The following BCL9L variants were observed in gnomAD, a reference collection of about 807,000 sequenced individuals.
BCL9L encodes the protein B-cell CLL/lymphoma 9-like protein.
In BCL9L, 19 loss-of-function variants were observed where a neutral mutation model predicts 99.4. The ratio of observed to expected loss-of-function variants is 0.19; its 90% CI spans 0.13 to 0.28. The LOEUF (loss-of-function observed/expected upper bound fraction) is 0.28, where lower values mean the gene tolerates loss of function less well. Ranked by LOEUF, BCL9L falls within the 10% of genes least tolerant of loss-of-function variation. The pLI is 1.00. For missense variants in BCL9L, 2,023 were observed against 2,101.6 expected (o/e 0.96, Z 0.73); for synonymous variants, 900 against 854.8 (o/e 1.05, Z -0.92).
At position 118,921,763 on chromosome 11, in the gene BCL9L, C is replaced by T. The variant is rs941882988; in HGVS notation, c.-130-2884G>A. ...CCTTGGCATGGAGAATCAGAGGGAA[C>T]CTGTCTGTGTCCTTTCCCCTACTCC... On this transcript the variant is annotated intron_variant, in intron 1 of 9. Transcript: ENST00000683865. This position sits in a 1 kb window ranked among gnomAD's most constrained non-coding sequence, Gnocchi z 5.4. Among the ~76,000 whole-genome samples, 1 of 152,008 alleles carries T rather than the reference C, an allele frequency of 6.6e-6. No individual in the cohort carries two copies. Among genetic ancestry groups the T allele is most frequent in the Non-Finnish European group, 1.5e-5 (1 of 67,976 alleles).
intron 3 of BCL9L, among the ~76,000 whole-genome samples, chr11:118,909,372 C>T (rs546827398): frequency 1.4e-4 from 21 of 152,226 alleles, no homozygotes; most frequent in Non-Finnish European, 3.1e-4. Context: ...CCGCCTCCCC[C>T]TCCCCGGAGA....
At chr11:118,923,337 T>G (rs1941197230) in intron 1 of BCL9L, among the ~76,000 whole-genome samples, 1 of 152,154 alleles carries the variant, frequency 6.6e-6, no homozygotes, top group Admixed American at 6.5e-5. Context: ...CTGCCTGGTC[T>G]GGAAGTTGAG....
At position 118,901,905 on chromosome 11, in the gene BCL9L, C is replaced by A. The variant is rs759800909; in HGVS notation, c.1838G>T (p.Gly613Val). Residue 613 changes from glycine (G) to valine (V), a missense_variant, in exon 8 of 10, where the codon GGG becomes GTG. Around this residue, in one of 3 missense-constraint regions of BCL9L, gnomAD observed 1,116 missense variants for 1,194.6 expected, o/e 0.93. Coordinates refer to ENST00000683865, the MANE Select transcript of BCL9L (RefSeq NM_001378213.1). This position sits in a 1 kb window ranked among gnomAD's most constrained non-coding sequence, Gnocchi z 6.6. ...FPGNQIQRVP[G>V]FGGMQSMPME... is the part of the protein sequence containing the mutation. ...GGGCATACTCTGCATGCCCCCAAAC[C>A]CAGGTACCCGTTGTATCTGGTTGCC... 102 of 1,613,682 alleles carry A rather than the reference C, an allele frequency of 6.3e-5. No individual in the cohort carries two copies. The highest frequency in any genetic ancestry group is 8.3e-5 in the Non-Finnish European group (98 of 1,179,850).
rs917077553 is a variant in BCL9L at position 118,914,006 on chromosome 11, C to T, written c.-76-3991G>A. 3.9e-5 allele frequency among the ~76,000 whole-genome samples: 6 copies of T among 152,184 alleles called. No individual in the cohort carries two copies. The highest frequency in any genetic ancestry group is 1.9e-4 in the East Asian group (1 of 5,192). ...CCAAATATATCTGGTCTCTGCCCGCCGCCCCACTGGTACTTCCTGTCCCCT... is the reference window on the plus strand; with the variant it reads ...CCAAATATATCTGGTCTCTGCCCGCTGCCCCACTGGTACTTCCTGTCCCCT... On this transcript the variant is annotated intron_variant, in intron 2 of 9. Transcript: ENST00000683865. This position sits in a 1 kb window ranked among gnomAD's most constrained non-coding sequence, Gnocchi z 4.4.
intron 4 of BCL9L, 40 bp from the exon 5 acceptor site, chr11:118,907,642 G>A (rs1164404231): frequency 6.2e-7 from 1 of 1,603,546 alleles, no homozygotes; most frequent in Non-Finnish European, 8.5e-7. Flanking sequence ...GTGCCTAGAG[G>A]CCCCATTATT....
intron 2 of BCL9L, among the ~76,000 whole-genome samples, chr11:118,916,201 T>A (rs1428604703): frequency 6.6e-6 from 1 of 152,130 alleles, no homozygotes; most frequent in Non-Finnish European, 1.5e-5. Flanking sequence ...CAGAGGAACA[T>A]GATAAGCAGA....
Position 118,898,294 on chromosome 11 carries a change from G to GCCCCCAACCCCCCCCCCCCCCCC in BCL9L, c.*120_*121insGGGGGGGGGGGGGGGGTTGGGGG. The stretch of plus-strand genomic sequence containing the variant: ...TCCACAAATGCCACTCCCTACACAA[G>GCCCCCAACCCCCCCCCCCCCCCC]CCCCCTCCCACCCCCTCCACCCCAC... On this transcript the variant is annotated 3_prime_UTR_variant, in exon 10 of 10. Transcript: ENST00000683865. 2 of 452,312 alleles carry GCCCCCAACCCCCCCCCCCCCCCC rather than the reference G, an allele frequency of 4.4e-6. No homozygotes were observed. The highest frequency in any genetic ancestry group is 6.7e-4 in the Middle Eastern group (1 of 1,502). 28.0% of individuals were successfully genotyped at this position (452,312 alleles called of 1,614,324 possible).
Position 118,898,426 on chromosome 11 carries a change from G to A in BCL9L, c.4489C>T (p.Leu1497=), listed in dbSNP as rs1940019798. 2 of 1,604,058 alleles carry A rather than the reference G, an allele frequency of 1.2e-6. No homozygotes were observed. Among genetic ancestry groups the A allele is most frequent in the Non-Finnish European group, 1.7e-6 (2 of 1,173,218 alleles). ...YLPAPGGMAN[L]PF ...CCTGGCAGCGACTTCTAGAAGGGCA[G>A]GTTGGCCATGCCGCCTGGTGCCGGG... The change falls in exon 10 of 10, where the codon CTG becomes TTG. Residue 1497 remains leucine, a synonymous_variant. Coordinates refer to ENST00000683865, the MANE Select transcript of BCL9L (RefSeq NM_001378213.1).
At chr11:118,923,672 C>T (rs1445846654) in intron 1 of BCL9L, among the ~76,000 whole-genome samples, 1 of 152,174 alleles carries the variant, frequency 6.6e-6, no homozygotes, top group Non-Finnish European at 1.5e-5. Context: ...TCTACCTGCC[C>T]CTCAGCACCC....
intron 2 of BCL9L, among the ~76,000 whole-genome samples, chr11:118,917,251 C>T (rs1212521450): frequency 2.0e-5 from 3 of 152,124 alleles, no homozygotes; most frequent in Non-Finnish European, 1.5e-5. Flanking sequence ...CCTGCTAAAA[C>T]CCCTGGGAGG....
chr11:118,915,807 GAAC>G (rs746720799), intron 2 of BCL9L, among the ~76,000 whole-genome samples: 12 of 152,216 alleles, frequency 7.9e-5, no homozygotes, highest in South Asian at 2.1e-4. Context: ...GGGAGAGAAA[GAAC>G]AACTGACAAG....
At chr11:118,909,288 G>C (rs1419737425) in intron 3 of BCL9L, among the ~76,000 whole-genome samples, 4 of 152,084 alleles carry the variant, frequency 2.6e-5, no homozygotes, top group Admixed American at 6.5e-5. Flanking sequence ...CAAGCAGATG[G>C]GGAGTGTAGC....
chr11:118,911,752 G>A lies in BCL9L; in HGVS notation c.-76-1737C>T, dbSNP rs140366030. 1.8e-4 allele frequency among the ~76,000 whole-genome samples: 27 copies of A among 152,352 alleles called. No homozygotes were observed. The East Asian group carries it at 5.0e-3, about 28-fold the overall frequency. On this transcript the variant is annotated intron_variant, in intron 2 of 9. Transcript: ENST00000683865. ...ACGGACCCTCATTCCAGACACTGCA[G>A]TGACCCCACCTCCCCACGCCAGCCA...
intron 1 of BCL9L, among the ~76,000 whole-genome samples, chr11:118,924,731 G>A (rs996331637): frequency 4.7e-4 from 72 of 152,128 alleles, no homozygotes; most frequent in African/African-American, 1.5e-3. Context: ...TCACTCAGAA[G>A]CCTTGGAAGA....
In BCL9L at chr11:118,903,599, T is replaced by C; in HGVS notation, c.533-147A>G. 1 of 924,782 alleles carries C rather than the reference T, an allele frequency of 1.1e-6. No individual in the cohort carries two copies. The allele number at this position is 924,782 out of a possible 1,614,324, so 57.3% of individuals were successfully genotyped here. A position where few individuals can be genotyped will look rare whatever the true frequency, so the allele number is the denominator to read the frequency against. On this transcript the variant is annotated intron_variant, in intron 5 of 9. Transcript: ENST00000683865. This position sits in a 1 kb window ranked among gnomAD's most constrained non-coding sequence, Gnocchi z 5.6. ...GTATCTGGTGTTCTCACCAGGCTGGTTTCCACGATGGCAAGAGTGGTGACC... is the reference window on the plus strand; with the variant it reads ...GTATCTGGTGTTCTCACCAGGCTGGCTTCCACGATGGCAAGAGTGGTGACC...
At chr11:118,899,863 G>A (rs890541865) in intron 9 of BCL9L, 54 bp downstream of exon 9, 23 of 1,565,230 alleles carry the variant, frequency 1.5e-5, no homozygotes, top group East Asian at 4.6e-5. Context: ...TGTGCTCCCC[G>A]CTCCCAGTGC....
chr11:118,903,097 C>T lies in BCL9L; in HGVS notation c.750-23G>A. The T allele has an allele frequency of 6.4e-7, 1 of 1,560,548 alleles. No individual in the cohort carries two copies. Among genetic ancestry groups the T allele is most frequent in the African/African-American group, 1.3e-5 (1 of 74,240 alleles). Reference sequence around the variant, plus strand: ...GCCCTGCACAGAGTGGGGGCACCGACAGCTCAGAGAGGTGAGCAGGAGGGA... The same window carrying T: ...GCCCTGCACAGAGTGGGGGCACCGATAGCTCAGAGAGGTGAGCAGGAGGGA... On this transcript the variant is annotated intron_variant, in intron 6 of 9. Coordinates refer to ENST00000683865, the MANE Select transcript of BCL9L (RefSeq NM_001378213.1). The surrounding 1 kb of genome is among the most constrained non-coding windows in gnomAD (Gnocchi z 5.6).
chr11:118,897,405 C>T lies in BCL9L; in HGVS notation c.*1010G>A, dbSNP rs530875574. 3.0e-5 allele frequency: 6 copies of T among 199,576 alleles called. No homozygotes were observed. Among genetic ancestry groups the T allele is most frequent in the East Asian group, 1.7e-4 (1 of 6,014 alleles). 12.4% of individuals were successfully genotyped at this position (199,576 alleles called of 1,614,324 possible). On this transcript the variant is annotated 3_prime_UTR_variant, in exon 10 of 10. Coordinates refer to ENST00000683865, the MANE Select transcript of BCL9L (RefSeq NM_001378213.1). Reference sequence around the variant, plus strand: ...AGTTCTGGCTAAGATGTAGCAGCAGCGGATGCCCGGGCATCCAAAGTGGAA... The same window carrying T: ...AGTTCTGGCTAAGATGTAGCAGCAGTGGATGCCCGGGCATCCAAAGTGGAA...
Position 118,898,599 on chromosome 11 carries a change from C to T in BCL9L, c.4316G>A (p.Arg1439Gln), listed in dbSNP as rs1940037440. 5 of 1,612,040 alleles carry T rather than the reference C, an allele frequency of 3.1e-6. No individual in the cohort carries two copies. The highest frequency in any genetic ancestry group is 4.2e-6 in the Non-Finnish European group (5 of 1,179,614). Residue 1439 changes from arginine to glutamine, a missense_variant, in exon 10 of 10, where the codon CGG becomes CAG. Coordinates refer to ENST00000683865, the MANE Select transcript of BCL9L (RefSeq NM_001378213.1). ...TQQNFMLMKQ[R>Q]GVGGEVYSQP... ...GCTGTAGACCTCGCCCCCCACGCCC[C>T]GCTGCTTCATCAGCATGAAATTCTG... is the stretch of plus-strand genomic sequence containing the variant.
Sources: allele counts gnomAD v4.1 joint callset (sites outside exome capture counted in the v4.1 genomes callset), GRCh38; gene constraint gnomAD v4.1.1; regional missense constraint gnomAD v4.1.1; non-coding constraint Gnocchi (gnomAD v3.1); transcripts MANE v1.5; gene names NCBI Gene and HGNC (gene_info 2026-07-23, HGNC 2026-07-21).